Variants in SIPA1L1 observed in about 807,000 individuals in gnomAD.
SIPA1L1 encodes the protein signal induced proliferation associated 1 like 1.
Under a neutral mutation model 162.7 loss-of-function variants are expected in SIPA1L1, and 26 were observed. The observed-to-expected ratio is 0.16, with a 90% CI of 0.12 to 0.22. The LOEUF is 0.22. Among genes scored for constraint, SIPA1L1 ranks in the 10% least tolerant of loss-of-function variants. The probability of loss-of-function intolerance (pLI) is 1.00; values close to 1 mark genes in which losing one functional copy is unlikely to be tolerated. For missense variants in SIPA1L1, 1,874 were observed against 2,241.0 expected (o/e 0.84, Z 3.31); for synonymous variants, 829 against 837.4 (o/e 0.99, Z 0.17).
chr14:71,531,607 C>G (rs567984329), intron 4 of SIPA1L1, among the ~76,000 whole-genome samples: 18 of 152,100 alleles, frequency 1.2e-4, no homozygotes, highest in African/African-American at 4.3e-4. Context: ...CTCTGTTGCC[C>G]AGGCGGGAGT....
chr14:71,382,179 G>A (rs544050335), intron 2 of SIPA1L1, among the ~76,000 whole-genome samples: 2 of 152,334 alleles, frequency 1.3e-5, no homozygotes, highest in South Asian at 4.1e-4. Flanking sequence ...TTAGAATAGT[G>A]TTAGAGGACA....
intron 2 of SIPA1L1, among the ~76,000 whole-genome samples, chr14:71,389,010 G>C (rs1213894785): frequency 6.6e-6 from 1 of 152,096 alleles, no homozygotes; most frequent in East Asian, 1.9e-4. Flanking sequence ...GAACTCCTAG[G>C]CTCAAGCATT....
intron 2 of SIPA1L1, among the ~76,000 whole-genome samples, chr14:71,439,356 A>G (rs1174159386): frequency 6.6e-6 from 1 of 152,100 alleles, no homozygotes; most frequent in Non-Finnish European, 1.5e-5. Context: ...TGCAAGGAAA[A>G]GGTAGGTGGA....
At chr14:71,417,488 A>AC (rs1566995980) in intron 2 of SIPA1L1, among the ~76,000 whole-genome samples, 1 of 142,820 alleles carries the variant, frequency 7.0e-6, no homozygotes, top group Non-Finnish European at 1.5e-5. Context: ...AAAAAAAAAA[A>AC]AAAAAAAAAA....
At chr14:71,388,163 A>G (rs2040483008) in intron 2 of SIPA1L1, among the ~76,000 whole-genome samples, 2 of 152,240 alleles carry the variant, frequency 1.3e-5, no homozygotes, top group Admixed American at 1.3e-4. Flanking sequence ...ATTTTCCCTA[A>G]GTCAGTAGAT....
intron 16 of SIPA1L1, among the ~76,000 whole-genome samples, chr14:71,706,326 C>T (rs1172721571): frequency 6.6e-6 from 1 of 152,068 alleles, no homozygotes; most frequent in Non-Finnish European, 1.5e-5. Context: ...TCCCCTCCCT[C>T]GTTAATAATT....
At chr14:71,677,812 T>C (rs923907537) in intron 12 of SIPA1L1, among the ~76,000 whole-genome samples, 1 of 152,216 alleles carries the variant, frequency 6.6e-6, no homozygotes, top group Non-Finnish European at 1.5e-5. Context: ...CTGAGGGCTC[T>C]GTTCTGTTCT....
intron 5 of SIPA1L1, among the ~76,000 whole-genome samples, chr14:71,611,288 T>C (rs1035622552): frequency 5.3e-5 from 8 of 152,222 alleles, no homozygotes; most frequent in African/African-American, 1.7e-4. Context: ...AGCTCTGTCC[T>C]CTCTTTCTTA....
intron 3 of SIPA1L1, among the ~76,000 whole-genome samples, chr14:71,525,597 T>C (rs1198746310): frequency 6.6e-6 from 1 of 152,238 alleles, no homozygotes; most frequent in African/African-American, 2.4e-5. Context: ...TGTGAAAACA[T>C]GTCAGCTTTG....
intron 4 of SIPA1L1, among the ~76,000 whole-genome samples, chr14:71,533,032 A>G (rs2053585614): frequency 6.6e-6 from 1 of 152,148 alleles, no homozygotes; most frequent in South Asian, 2.1e-4. Context: ...AACTAGTCTC[A>G]CAAATCAGTA....
intron 2 of SIPA1L1, among the ~76,000 whole-genome samples, chr14:71,475,419 C>T (rs1352378456): frequency 6.6e-6 from 1 of 152,008 alleles, no homozygotes; most frequent in Non-Finnish European, 1.5e-5. Context: ...TGTATCTTTC[C>T]CCCTCCTCCT....
chr14:71,325,677 T>G (rs1226503084), intron 2 of SIPA1L1, among the ~76,000 whole-genome samples: 8 of 152,214 alleles, frequency 5.3e-5, no homozygotes, highest in Admixed American at 6.5e-5. Flanking sequence ...CAGGAGCTGC[T>G]TTAGCTGGCC....
intron 22 of SIPA1L1, among the ~76,000 whole-genome samples, chr14:71,737,076 AC>A (rs1191568019): frequency 6.6e-6 from 1 of 151,882 alleles, no homozygotes; most frequent in Non-Finnish European, 1.5e-5. Context: ...CCCTTCTCAA[AC>A]CCATTCATTG....
chr14:71,504,518 G>T (rs1369094833), intron 2 of SIPA1L1, among the ~76,000 whole-genome samples: 2 of 152,020 alleles, frequency 1.3e-5, no homozygotes, highest in African/African-American at 4.8e-5. Context: ...AGGACCAAAA[G>T]ATACCATATT....
intron 2 of SIPA1L1, among the ~76,000 whole-genome samples, chr14:71,437,582 G>T (rs1014475021): frequency 6.6e-6 from 1 of 151,968 alleles, no homozygotes; most frequent in African/African-American, 2.4e-5. Context: ...GGCTGGTCTC[G>T]AACTCCTAGC....
intron 2 of SIPA1L1, chr14:71,414,251 C>G (rs1229273550): frequency 6.6e-6 from 1 of 152,328 alleles, no homozygotes; most frequent in African/African-American, 2.4e-5. Flanking sequence ...TGGTGGCACA[C>G]ACCTGTAATC....
chr14:71,735,319 G>A lies in SIPA1L1; in HGVS notation c.5051G>A (p.Arg1684His), dbSNP rs376743499. ...TTTGCTGCTAGTGATGAAAACCATC[G>A]CCCCTTGAGTGCTGCATCCAACAGT... is the stretch of plus-strand genomic sequence containing the variant. ...SFFAASDENH[R>H]PLSAASNSDQ... Residue 1684 changes from arginine (R) to histidine (H), a missense_variant, in exon 22 of 24, where the codon CGC (arginine) becomes CAC (histidine). By Grantham distance (29) the Arg-to-His change is conservative. Around this residue, in one of 5 missense-constraint regions of SIPA1L1, gnomAD observed 936 missense variants for 1,051.9 expected, o/e 0.89. Coordinates refer to ENST00000381232, the MANE Select transcript of SIPA1L1 (RefSeq NM_001386936.1). 2.7e-5 allele frequency: 44 copies of A among 1,613,950 alleles called. No homozygotes were observed. The highest frequency in any genetic ancestry group is 3.3e-5 in the Non-Finnish European group (39 of 1,179,992).
intron 17 of SIPA1L1, among the ~76,000 whole-genome samples, chr14:71,716,803 C>G (rs1036577485): frequency 1.3e-5 from 2 of 152,212 alleles, no homozygotes; most frequent in Admixed American, 6.5e-5. Flanking sequence ...AATGTAAAAT[C>G]ACCAGGTTGC....
In SIPA1L1 at chr14:71,726,483, G is replaced by A. The variant is rs2084252736; in HGVS notation, c.4614+1648G>A. On this transcript the variant is annotated intron_variant, in intron 19 of 23. Coordinates refer to ENST00000381232, the MANE Select transcript of SIPA1L1 (RefSeq NM_001386936.1). ...GTTTAACATTTTTGGCAAGAGGCAA[G>A]CTCAGAGCCTTCATTCTTTTGATTT... is the stretch of plus-strand genomic sequence containing the variant. Among the ~76,000 whole-genome samples the A allele has an allele frequency of 2.0e-5, 3 of 152,194 alleles. No homozygotes were observed. In the South Asian group the frequency reaches 6.2e-4, roughly 31 times the overall value.
Sources: allele counts gnomAD v4.1 joint callset (sites outside exome capture counted in the v4.1 genomes callset), GRCh38; gene constraint gnomAD v4.1.1; regional missense constraint gnomAD v4.1.1; transcripts MANE v1.5; gene names NCBI Gene and HGNC (gene_info 2026-07-23, HGNC 2026-07-21).